POU2F1: variants seen among roughly 807,000 people sequenced by gnomAD.
POU2F1 encodes POU class 2 homeobox 1.
POU2F1 carries 16 observed loss-of-function variants against 84.9 expected under a neutral mutation model. The ratio of observed to expected loss-of-function variants is 0.19; its 90% CI spans 0.13 to 0.29. The LOEUF is 0.29. Among genes scored for constraint, POU2F1 ranks in the 10% least tolerant of loss-of-function variants. POU2F1 has a pLI of 1.00. For synonymous variants in POU2F1, 368 were observed against 368.3 expected, an observed-to-expected ratio of 1.00 and a Z score of 0.01; for missense variants, 738 against 942.6, an observed-to-expected ratio of 0.78 and a Z score of 2.84.
At chr1:167,263,260 C>CTGTAA (rs1651699417) in intron 1 of POU2F1, among the ~76,000 whole-genome samples, 1 of 152,220 alleles carries the variant, frequency 6.6e-6, no homozygotes, top group Non-Finnish European at 1.5e-5. Context: ...TGGCTCATGC[C>CTGTAA]TGTAATCCCA....
At chr1:167,320,293 T>C (rs1254172641) in intron 1 of POU2F1, among the ~76,000 whole-genome samples, 2 of 152,222 alleles carry the variant, frequency 1.3e-5, no homozygotes, top group Non-Finnish European at 2.9e-5. Flanking sequence ...GTATAGGGCG[T>C]CTGGAAAACT....
At chr1:167,286,811 A>C (rs1319569313) in intron 1 of POU2F1, among the ~76,000 whole-genome samples, 1 of 152,218 alleles carries the variant, frequency 6.6e-6, no homozygotes, top group African/African-American at 2.4e-5. Flanking sequence ...ACTTGTGGCA[A>C]TATAATGGAT....
chr1:167,235,960 G>A (rs1439749960), intron 1 of POU2F1, among the ~76,000 whole-genome samples: 1 of 152,118 alleles, frequency 6.6e-6, no homozygotes, highest in African/African-American at 2.4e-5. Flanking sequence ...TCGTCAGGTT[G>A]CTTTTAGTAC....
chr1:167,287,566 G>T (rs2102521755), intron 1 of POU2F1, among the ~76,000 whole-genome samples: 1 of 152,290 alleles, frequency 6.6e-6, no homozygotes, highest in Admixed American at 6.5e-5. Context: ...TTTGAAGAAT[G>T]GTTTAGGAAA....
Position 167,320,972 on chromosome 1 carries a change from A to G in POU2F1, c.62-11498A>G, listed in dbSNP as rs12025063. On this transcript the variant is annotated intron_variant, in intron 1 of 15. Transcript: ENST00000367866. ...TTTTGAAAGTCATTTAATGTTTTCAATTGATCGCTATGTATGGTTACTTTC... is the reference window on the plus strand; with the variant it reads ...TTTTGAAAGTCATTTAATGTTTTCAGTTGATCGCTATGTATGGTTACTTTC... Among the ~76,000 whole-genome samples the G allele has an allele frequency of 6.8e-4, 103 of 152,328 alleles. No homozygotes were observed. In the East Asian group the frequency reaches 0.014, roughly 21 times the overall value.
intron 9 of POU2F1, among the ~76,000 whole-genome samples, chr1:167,393,606 C>T (rs146803848): frequency 0.015 from 2,210 of 152,122 alleles, 54 homozygotes; most frequent in African/African-American, 0.05. Context: ...TCAAGTGATC[C>T]TCCCACCTCA....
At chr1:167,226,116 C>G (rs886512963) in intron 1 of POU2F1, among the ~76,000 whole-genome samples, 3 of 152,168 alleles carry the variant, frequency 2.0e-5, no homozygotes, top group Non-Finnish European at 2.9e-5. Context: ...TATCCATGTT[C>G]TTGTTTCTGA....
intron 2 of POU2F1, among the ~76,000 whole-genome samples, chr1:167,357,021 G>A (rs1658982652): frequency 6.6e-6 from 1 of 152,042 alleles, no homozygotes; most frequent in Admixed American, 6.6e-5. Flanking sequence ...ACTTCTCCCT[G>A]GTCCCTGCCT....
chr1:167,359,845 GGTTT>G (rs778203257), intron 2 of POU2F1, among the ~76,000 whole-genome samples: 18 of 111,304 alleles, frequency 1.6e-4, no homozygotes, highest in Admixed American at 1.0e-3. Context: ...AACATTTGTG[GGTTT>G]GTTTTTTTTT....
In POU2F1 at chr1:167,259,156, C is replaced by T. The variant is rs139978795; in HGVS notation, c.61+38198C>T. ...GTTTCTGCTTCACATGGTTTTATCC[C>T]GAAGGAGGCTGGCCTTATCTTGTTC... On this transcript the variant is annotated intron_variant, in intron 1 of 15. Coordinates refer to ENST00000367866, the MANE Select transcript of POU2F1 (RefSeq NM_002697.4). Among the ~76,000 whole-genome samples the T allele has an allele frequency of 4.5e-4, 69 of 152,250 alleles. 1 individual carries two copies. The East Asian group carries it at 0.011, about 24-fold the overall frequency.
chr1:167,244,178 A>G (rs1650132936), intron 1 of POU2F1, among the ~76,000 whole-genome samples: 1 of 152,218 alleles, frequency 6.6e-6, no homozygotes, highest in South Asian at 2.1e-4. Flanking sequence ...ATTTTAGATT[A>G]GAAGATAGCA....
At chr1:167,225,868 T>G (rs1380255817) in intron 1 of POU2F1, among the ~76,000 whole-genome samples, 2 of 152,356 alleles carry the variant, frequency 1.3e-5, no homozygotes, top group East Asian at 1.9e-4. Context: ...TTGTAATCTT[T>G]GCATATTAGT....
intron 1 of POU2F1, among the ~76,000 whole-genome samples, chr1:167,313,953 C>G (rs1053266875): frequency 6.6e-6 from 1 of 152,054 alleles, no homozygotes; most frequent in Non-Finnish European, 1.5e-5. Context: ...AATCCCAGAA[C>G]TTTGGGAGGC....
chr1:167,402,519 C>T lies in POU2F1; in HGVS notation c.1555+963C>T, dbSNP rs556362424. 1.3e-3 allele frequency among the ~76,000 whole-genome samples: 201 copies of T among 152,266 alleles called. 1 individual carries two copies. Among genetic ancestry groups the T allele is most frequent in the Non-Finnish European group, 2.4e-3 (166 of 68,020 alleles). On this transcript the variant is annotated intron_variant, in intron 13 of 15. Transcript: ENST00000367866. ...GCTTATGTTAAACAGTACTTCTTGA[C>T]CTCTTCTGGATGTTGGACCTTTTTA...
chr1:167,292,664 A>T (rs1361314095), intron 1 of POU2F1, among the ~76,000 whole-genome samples: 9 of 151,138 alleles, frequency 6.0e-5, no homozygotes, highest in South Asian at 2.1e-4. Context: ...AAGAACATTT[A>T]AAAAAAAACT....
intron 14 of POU2F1, among the ~76,000 whole-genome samples, 200 bp from the exon 15 acceptor site, chr1:167,412,826 T>C (rs898236626): frequency 6.6e-6 from 1 of 152,248 alleles, no homozygotes; most frequent in Non-Finnish European, 1.5e-5. Context: ...CATTTTGTGC[T>C]GATCATAACC....
At chr1:167,363,723 T>C (rs1357711735) in intron 2 of POU2F1, among the ~76,000 whole-genome samples, 2 of 152,246 alleles carry the variant, frequency 1.3e-5, no homozygotes, top group African/African-American at 4.8e-5. Context: ...TGGAAGACTT[T>C]AGGAAAAAAT....
intron 1 of POU2F1, among the ~76,000 whole-genome samples, chr1:167,256,135 T>C: frequency 6.6e-6 from 1 of 152,194 alleles, no homozygotes; most frequent in East Asian, 1.9e-4. Context: ...AGATTCTTTG[T>C]GCTTAAACCT....
intron 2 of POU2F1, among the ~76,000 whole-genome samples, chr1:167,343,054 T>C (rs1657961639): frequency 6.6e-6 from 1 of 152,056 alleles, no homozygotes; most frequent in South Asian, 2.1e-4. Flanking sequence ...AGATGTCAGT[T>C]ACAGGATATG....
Sources: gnomAD v4.1 joint callset for allele counts (sites outside exome capture counted in the v4.1 genomes callset) on GRCh38, gnomAD v4.1.1 for gene constraint, MANE v1.5 for transcripts, NCBI Gene and HGNC (gene_info 2026-07-23, HGNC 2026-07-21) for gene names.